SFRP5: variants seen among roughly 807,000 people sequenced by gnomAD.
The protein encoded by SFRP5 is secreted frizzled-related protein 5.
SFRP5 carries 22 observed loss-of-function variants against 27.0 expected under a neutral mutation model. The ratio of observed to expected loss-of-function variants is 0.82; its 90% confidence interval spans 0.58 to 1.17. The LOEUF (loss-of-function observed/expected upper bound fraction) is 1.17, where lower values mean the gene tolerates loss of function less well. Among genes scored for constraint, SFRP5 ranks in the 50% most tolerant of loss-of-function variants. The probability of loss-of-function intolerance (pLI) is 0.00; values close to 1 mark genes in which losing one functional copy is unlikely to be tolerated. For synonymous variants in SFRP5, 171 were observed against 195.0 expected, an observed-to-expected ratio of 0.88 and a Z score of 1.03; for missense variants, 406 against 436.6, an observed-to-expected ratio of 0.93 and a Z score of 0.63.
chr10:97,770,810 T>G (rs1054301818), intron 1 of SFRP5, among the ~76,000 whole-genome samples: 3 of 152,108 alleles, frequency 2.0e-5, no homozygotes, highest in Non-Finnish European at 4.4e-5. Flanking sequence ...ACATTCTTAG[T>G]CCCCAGTCTT....
In SFRP5 at chr10:97,771,136, CG is replaced by C. The variant is rs2049512685; in HGVS notation, c.529+168del. On this transcript the variant is annotated intron_variant, in intron 1 of 2. Coordinates refer to ENST00000266066, the MANE Select transcript of SFRP5 (RefSeq NM_003015.3). This position sits in a 1 kb window ranked among gnomAD's most constrained non-coding sequence, Gnocchi z 5.2. ...GCCACTCCCTGGGGAGGTGGGAAGG[CG>C]GGAAGGCTGCGGGGGATAATTCCGG... Among the ~76,000 whole-genome samples the C allele has an allele frequency of 6.9e-6, 1 of 144,352 alleles. No individual in the cohort carries two copies. The highest frequency in any genetic ancestry group is 1.5e-5 in the Non-Finnish European group (1 of 66,518). 94.7% of individuals were successfully genotyped at this position (144,352 alleles called of 152,430 possible). A position where few individuals can be genotyped will look rare whatever the true frequency, so the allele number is the denominator to read the frequency against.
At position 97,771,619 on chromosome 10, in the gene SFRP5, C is replaced by T. The variant is rs1483714627; in HGVS notation, c.215G>A (p.Arg72Gln). The T allele has an allele frequency of 6.2e-7, 1 of 1,609,866 alleles. No homozygotes were observed. Among genetic ancestry groups the T allele is most frequent in the African/African-American group, 1.3e-5 (1 of 75,052 alleles). The change falls in exon 1 of 3, where the codon CGG becomes CAG. Residue 72 changes from arginine (R) to glutamine (Q), a missense_variant. Transcript: ENST00000266066. The surrounding 1 kb of genome is among the most constrained non-coding windows in gnomAD (Gnocchi z 5.2). ...LCHTVGYKRM[R>Q]LPNLLEHESL... ...CTCGTGCTCCAGCAGGTTGGGCAGC[C>T]GCATGCGCTTGTAGCCCACCGTGTG...
rs1046911384 is a variant in SFRP5 at position 97,767,183 on chromosome 10, A to T, written c.*331T>A. Reference sequence around the variant, plus strand: ...CACCGACAGAGGGGAGCTGGAGCTGACACCACCTTCTACTCTGAAACCTCC... The same window carrying T: ...CACCGACAGAGGGGAGCTGGAGCTGTCACCACCTTCTACTCTGAAACCTCC... On this transcript the variant is annotated 3_prime_UTR_variant, in exon 3 of 3. Transcript: ENST00000266066. 7 of 229,980 alleles carry T rather than the reference A, an allele frequency of 3.0e-5. No homozygotes were observed. The highest frequency in any genetic ancestry group is 5.9e-5 in the Non-Finnish European group (7 of 118,756). The allele number at this position is 229,980 out of a possible 1,614,324, so 14.2% of individuals were successfully genotyped here. A position where few individuals can be genotyped will look rare whatever the true frequency, so the allele number is the denominator to read the frequency against.
chr10:97,767,617 C>T lies in SFRP5; in HGVS notation c.851G>A (p.Trp284Ter), dbSNP rs757069899. Reference protein sequence around the residue: ...GQLLLMAVYRWDKKNKEMKFA... With the variant: ...GQLLLMAVYR The stretch of plus-strand genomic sequence containing the variant: ...CTTCATCTCCTTATTCTTCTTGTCC[C>T]AGCGGTAGACGGCCATGAGCAGCAG... The change falls in exon 3 of 3, where the codon TGG becomes TAG. Residue 284 changes from tryptophan (W) to a stop codon, truncating the protein, a stop_gained. Transcript: ENST00000266066. LOFTEE classifies it high-confidence loss of function. 6.2e-6 allele frequency: 10 copies of T among 1,613,908 alleles called. No homozygotes were observed. In the South Asian group the frequency reaches 1.1e-4, roughly 18 times the overall value.
rs564219921 is a variant in SFRP5, at chr10:97,769,751, G to T, written c.530-6C>A. On this transcript the variant is annotated splice_polypyrimidine_tract_variant and splice_region_variant and intron_variant, in intron 1 of 2. Transcript: ENST00000266066. Reference sequence around the variant, plus strand: ...CTGGGCGCAGATCTTGGTCACTGAAGAGAGAAAGTGGGGTGGGGTTGGGGG... The same window carrying T: ...CTGGGCGCAGATCTTGGTCACTGAATAGAGAAAGTGGGGTGGGGTTGGGGG... 6.2e-7 allele frequency: 1 copy of T among 1,611,612 alleles called. No homozygotes were observed. The highest frequency in any genetic ancestry group is 2.2e-5 in the East Asian group (1 of 44,870).
In SFRP5 at chr10:97,771,262, G is replaced by T; in HGVS notation, c.529+43C>A. ...TTCGCAGAGCTGTGCTAGGGGAGCT[G>T]CAGGGCCGTCGGAGCGCGCGGGGAC... On this transcript the variant is annotated intron_variant, in intron 1 of 2. Coordinates refer to ENST00000266066, the MANE Select transcript of SFRP5 (RefSeq NM_003015.3). The surrounding 1 kb of genome is among the most constrained non-coding windows in gnomAD (Gnocchi z 5.2). 1 of 1,367,006 alleles carries T rather than the reference G, an allele frequency of 7.3e-7. No individual in the cohort carries two copies. The highest frequency in any genetic ancestry group is 9.9e-7 in the Non-Finnish European group (1 of 1,006,688). The allele number at this position is 1,367,006 out of a possible 1,614,324, so 84.7% of individuals were successfully genotyped here. A position where few individuals can be genotyped will look rare whatever the true frequency, so the allele number is the denominator to read the frequency against.
chr10:97,770,032 C>T (rs927577758), intron 1 of SFRP5, among the ~76,000 whole-genome samples: 2 of 152,196 alleles, frequency 1.3e-5, no homozygotes, highest in African/African-American at 4.8e-5. Flanking sequence ...TAAATTTTAT[C>T]TCCTCTCATC....
chr10:97,770,363 C>G (rs1246598442), intron 1 of SFRP5, among the ~76,000 whole-genome samples: 1 of 152,210 alleles, frequency 6.6e-6, no homozygotes, highest in Non-Finnish European at 1.5e-5. Context: ...AACCACTGCG[C>G]CCAGCCCTTA....
In SFRP5 at chr10:97,771,068, A is replaced by T. The variant is rs1249324890; in HGVS notation, c.529+237T>A. ...GGGTGCCAGGGGTTTCCAGGGAACG[A>T]GAGCCAGAGGGAAGGTCTGGAGCCG... On this transcript the variant is annotated intron_variant, in intron 1 of 2. Transcript: ENST00000266066. The surrounding 1 kb of genome is among the most constrained non-coding windows in gnomAD (Gnocchi z 5.2). 2.0e-5 allele frequency among the ~76,000 whole-genome samples: 3 copies of T among 152,076 alleles called. No individual in the cohort carries two copies. Among genetic ancestry groups the T allele is most frequent in the African/African-American group, 7.2e-5 (3 of 41,384 alleles).
intron 1 of SFRP5, among the ~76,000 whole-genome samples, chr10:97,770,151 C>T (rs909652858): frequency 1.2e-4 from 18 of 152,232 alleles, no homozygotes; most frequent in Non-Finnish European, 2.5e-4. Flanking sequence ...CTTACTGCAA[C>T]CTCTGCCTCC....
At chr10:97,769,621 G>T in intron 2 of SFRP5, 47 bp downstream of exon 2, 1 of 1,315,448 alleles carries the variant, frequency 7.6e-7, no homozygotes, top group Non-Finnish European at 1.1e-6. Flanking sequence ...AAGAAAGAGG[G>T]GCTGGGGGTG....
Position 97,767,730 on chromosome 10 carries a change from G to A in SFRP5, c.738C>T (p.His246=), listed in dbSNP as rs749819853. Reference sequence around the variant, plus strand: ...AGGGGCAGCCCGCGCCATTCTTCATGTGCAGCACCAGCCGCTTGGTGTCCT... The same window carrying A: ...AGGGGCAGCCCGCGCCATTCTTCATATGCAGCACCAGCCGCTTGGTGTCCT... The part of the protein sequence containing the change: ...KRKDTKRLVL[H]MKNGAGCPCP... The change falls in exon 3 of 3, where the codon CAC becomes CAT. Residue 246 remains histidine (H), a synonymous_variant. Transcript: ENST00000266066. 2 of 1,612,274 alleles carry A rather than the reference G, an allele frequency of 1.2e-6. No individual in the cohort carries two copies. The highest frequency in any genetic ancestry group is 3.3e-5 in the Admixed American group (2 of 59,742).
rs1266021453 is a variant in SFRP5 at position 97,771,759 on chromosome 10, C to A, written c.75G>T (p.Ala25=). 1.3e-6 allele frequency: 2 copies of A among 1,587,996 alleles called. No individual in the cohort carries two copies. Among genetic ancestry groups the A allele is most frequent in the African/African-American group, 2.7e-5 (2 of 73,966 alleles). The stretch of plus-strand genomic sequence containing the variant: ...AGTCGTACTCCTCGCAGCGCGCCGG[C>A]GCCCAGTGCAGCGCCCCCAGCAGCA... The part of the protein sequence containing the change: ...LALLLGALHW[A]PARCEEYDYY... The change falls in exon 1 of 3, where the codon GCG becomes GCT. Residue 25 remains alanine (A), a synonymous_variant. Transcript: ENST00000266066. This position sits in a 1 kb window ranked among gnomAD's most constrained non-coding sequence, Gnocchi z 5.2.
Position 97,771,732 on chromosome 10 carries a change from G to A in SFRP5, c.102C>T (p.Tyr34=). ...GCAGCGGCTCGGCCTGCCAGCCATA[G>A]TAGTCGTACTCCTCGCAGCGCGCCG... The part of the protein sequence containing the change: ...WAPARCEEYD[Y]YGWQAEPLHG... The change falls in exon 1 of 3, where the codon TAC becomes TAT. Residue 34 remains tyrosine (Y), a synonymous_variant. Transcript: ENST00000266066. The surrounding 1 kb of genome is among the most constrained non-coding windows in gnomAD (Gnocchi z 5.2). 1 of 1,596,542 alleles carries A rather than the reference G, an allele frequency of 6.3e-7. No homozygotes were observed. Among genetic ancestry groups the A allele is most frequent in the Non-Finnish European group, 8.5e-7 (1 of 1,179,216 alleles).
intron 2 of SFRP5, 55 bp from the exon 3 acceptor site, chr10:97,767,915 C>A: frequency 7.5e-7 from 1 of 1,332,752 alleles, no homozygotes; most frequent in Non-Finnish European, 1.0e-6. Context: ...GTGTGGGATG[C>A]TGGTGGGCAC....
intron 2 of SFRP5, 131 bp downstream of exon 2, chr10:97,769,537 A>G (rs2049504161): frequency 3.0e-6 from 2 of 660,010 alleles, no homozygotes; most frequent in Admixed American, 4.7e-5. Flanking sequence ...ATTGGCTTCT[A>G]AACGGGAGCC....
At position 97,767,941 on chromosome 10, in the gene SFRP5, T is replaced by G. The variant is rs1284050442; in HGVS notation, c.608-81A>C. The G allele has an allele frequency of 3.7e-6, 4 of 1,085,062 alleles. No homozygotes were observed. In the African/African-American group the frequency reaches 6.3e-5, roughly 17 times the overall value. 67.2% of individuals were successfully genotyped at this position (1,085,062 alleles called of 1,614,324 possible). ...TGGTGGGCACAGAGTTGGTGTGTTC[T>G]GGACCTTCGGGCTGGGGGAGCCTGA... On this transcript the variant is annotated intron_variant, in intron 2 of 2. Coordinates refer to ENST00000266066, the MANE Select transcript of SFRP5 (RefSeq NM_003015.3).
In SFRP5 at chr10:97,767,332, C is replaced by G. The variant is rs2049490037; in HGVS notation, c.*182G>C. On this transcript the variant is annotated 3_prime_UTR_variant, in exon 3 of 3. Transcript: ENST00000266066. Reference sequence around the variant, plus strand: ...GCTCCTGAGAGAGGAAGCCCAACATCCCAGGGACCCCAGGACCCCTGGGTC... The same window carrying G: ...GCTCCTGAGAGAGGAAGCCCAACATGCCAGGGACCCCAGGACCCCTGGGTC... The G allele has an allele frequency of 1.8e-6, 1 of 549,376 alleles. No homozygotes were observed. The highest frequency in any genetic ancestry group is 2.7e-5 in the South Asian group (1 of 37,222). 34.0% of individuals were successfully genotyped at this position (549,376 alleles called of 1,614,324 possible).
chr10:97,766,927 G>C lies in SFRP5; in HGVS notation c.*587C>G, dbSNP rs1214526311. 1 of 152,320 alleles carries C rather than the reference G, an allele frequency of 6.6e-6. No homozygotes were observed. Among genetic ancestry groups the C allele is most frequent in the African/African-American group, 2.4e-5 (1 of 41,380 alleles). 9.4% of individuals were successfully genotyped at this position (152,320 alleles called of 1,614,324 possible). A position where few individuals can be genotyped will look rare whatever the true frequency, so the allele number is the denominator to read the frequency against. Reference sequence around the variant, plus strand: ...AATCGAGCCGCGGGCGGACCAGAAGGGGGTCTATGCCGAGGCTGGGCTGGG... The same window carrying C: ...AATCGAGCCGCGGGCGGACCAGAAGCGGGTCTATGCCGAGGCTGGGCTGGG... On this transcript the variant is annotated 3_prime_UTR_variant, in exon 3 of 3. Coordinates refer to ENST00000266066, the MANE Select transcript of SFRP5 (RefSeq NM_003015.3).
Sources: gnomAD v4.1 joint callset for allele counts (sites outside exome capture counted in the v4.1 genomes callset) on GRCh38, gnomAD v4.1.1 for gene constraint, Gnocchi (gnomAD v3.1) non-coding constraint, MANE v1.5 for transcripts, NCBI Gene and HGNC (gene_info 2026-07-23, HGNC 2026-07-21) for gene names.